The following ST6GALNAC5 variants were observed in gnomAD, a reference collection of about 807,000 sequenced individuals.
ST6GALNAC5 encodes alpha-N-acetylgalactosaminide alpha-2,6-sialyltransferase 5.
In ST6GALNAC5, 27 loss-of-function variants were observed where a neutral mutation model predicts 33.6. That is an observed-to-expected ratio of 0.80 (90% confidence interval 0.59 to 1.11). ST6GALNAC5 has a LOEUF of 1.11. Among genes scored for constraint, ST6GALNAC5 ranks in the 50% least tolerant of loss-of-function variants. ST6GALNAC5 has a pLI of 0.00. For synonymous variants in ST6GALNAC5, 194 were observed against 171.2 expected (o/e 1.13, Z -1.04); for missense variants, 428 against 454.0 (o/e 0.94, Z 0.52).
chr1:76,973,332 A>T (rs1325815762), intron 2 of ST6GALNAC5, among the ~76,000 whole-genome samples: 1 of 152,058 alleles, frequency 6.6e-6, no homozygotes, highest in East Asian at 1.9e-4. Context: ...GGCAGGTGAG[A>T]GACCCATGGA....
intron 2 of ST6GALNAC5, among the ~76,000 whole-genome samples, chr1:76,884,842 A>G (rs1653857857): frequency 6.6e-6 from 1 of 152,242 alleles, no homozygotes; most frequent in Admixed American, 6.5e-5. Flanking sequence ...AGAATCACTT[A>G]GTCAAAAATA....
chr1:76,972,201 A>C (rs879320288), intron 2 of ST6GALNAC5, among the ~76,000 whole-genome samples: 1 of 152,184 alleles, frequency 6.6e-6, no homozygotes, highest in Non-Finnish European at 1.5e-5. Flanking sequence ...AGCAGCAGGC[A>C]AGAAGAGAGC....
chr1:76,922,972 A>G, intron 2 of ST6GALNAC5, among the ~76,000 whole-genome samples: 1 of 151,894 alleles, frequency 6.6e-6, no homozygotes, highest in African/African-American at 2.4e-5. Context: ...GAAACTTTTA[A>G]GAAGAAAGTA....
chr1:76,971,950 C>T (rs1648775571), intron 2 of ST6GALNAC5, among the ~76,000 whole-genome samples: 1 of 152,176 alleles, frequency 6.6e-6, no homozygotes, highest in Admixed American at 6.5e-5. Context: ...GTTTCCATCC[C>T]TCTCAACATA....
chr1:76,913,294 A>C (rs1302556004), intron 2 of ST6GALNAC5, among the ~76,000 whole-genome samples: 1 of 151,586 alleles, frequency 6.6e-6, no homozygotes, highest in Non-Finnish European at 1.5e-5. Flanking sequence ...ATCTGCTGTT[A>C]GTCTGATGGG....
intron 2 of ST6GALNAC5, among the ~76,000 whole-genome samples, chr1:76,911,967 C>G (rs1032719405): frequency 6.6e-6 from 1 of 152,110 alleles, no homozygotes; most frequent in South Asian, 2.1e-4. Flanking sequence ...CTTCTGCTAG[C>G]TTTTGAATGT....
chr1:76,919,679 T>TG (rs1373373738), intron 2 of ST6GALNAC5, among the ~76,000 whole-genome samples: 1 of 152,160 alleles, frequency 6.6e-6, no homozygotes. Context: ...GCTGAGTAAA[T>TG]GGGGGCTGAA....
At chr1:76,908,313 G>A (rs1395736318) in intron 2 of ST6GALNAC5, among the ~76,000 whole-genome samples, 2 of 152,108 alleles carry the variant, frequency 1.3e-5, no homozygotes, top group African/African-American at 2.4e-5. Flanking sequence ...GTTCATGGAT[G>A]GGGGCTTCTC....
At chr1:76,894,984 G>A (rs955594490) in intron 2 of ST6GALNAC5, among the ~76,000 whole-genome samples, 5 of 152,096 alleles carry the variant, frequency 3.3e-5, no homozygotes, top group Admixed American at 6.6e-5. Flanking sequence ...TCAAAGGGGG[G>A]TTATTCTCTG....
intron 2 of ST6GALNAC5, among the ~76,000 whole-genome samples, chr1:76,901,007 T>C (rs780026715): frequency 2.6e-5 from 4 of 152,224 alleles, no homozygotes; most frequent in Non-Finnish European, 4.4e-5. Context: ...TAGTTCTAAG[T>C]AAATATTTTA....
At chr1:76,985,944 G>A (rs1269599692) in intron 2 of ST6GALNAC5, among the ~76,000 whole-genome samples, 2 of 152,150 alleles carry the variant, frequency 1.3e-5, no homozygotes, top group Non-Finnish European at 2.9e-5. Flanking sequence ...TGGGAAAACT[G>A]GCTAGCCATA....
At chr1:77,000,190 GTGTGAGATGGTATCTCAC>G (rs1650091698) in intron 2 of ST6GALNAC5, among the ~76,000 whole-genome samples, 1 of 98,448 alleles carries the variant, frequency 1.0e-5, no homozygotes, top group Non-Finnish European at 2.4e-5. Context: ...ATTCTAACTG[GTGTGAGATGGTATCTCAC>G]TGTGGTTTTG....
chr1:76,944,454 C>T (rs1017004965), intron 2 of ST6GALNAC5, among the ~76,000 whole-genome samples: 6 of 151,790 alleles, frequency 4.0e-5, no homozygotes, highest in African/African-American at 9.7e-5. Context: ...ATTGGATGGC[C>T]CCCTCTCTAT....
chr1:76,882,084 A>G (rs1168015392), intron 2 of ST6GALNAC5, among the ~76,000 whole-genome samples: 1 of 152,220 alleles, frequency 6.6e-6, no homozygotes, highest in Non-Finnish European at 1.5e-5. Flanking sequence ...TTGAAAAGGA[A>G]TAAATATTTA....
Position 76,868,960 on chromosome 1 carries a change from G to T in ST6GALNAC5, c.261+218G>T. 1 of 704,492 alleles carries T rather than the reference G, an allele frequency of 1.4e-6. No individual in the cohort carries two copies. The highest frequency in any genetic ancestry group is 2.1e-6 in the Non-Finnish European group (1 of 472,692). 43.6% of individuals were successfully genotyped at this position (704,492 alleles called of 1,614,324 possible). Reference sequence around the variant, plus strand: ...TTTGTAGAAAATAGGGGTGAGGTGCGTGGACCCCAAAGCCTAATTTCCCAG... The same window carrying T: ...TTTGTAGAAAATAGGGGTGAGGTGCTTGGACCCCAAAGCCTAATTTCCCAG... On this transcript the variant is annotated intron_variant, in intron 2 of 4. Transcript: ENST00000477717. The surrounding 1 kb of genome is among the most constrained non-coding windows in gnomAD (Gnocchi z 4.3).
intron 2 of ST6GALNAC5, among the ~76,000 whole-genome samples, chr1:77,010,158 A>G (rs554031494): frequency 2.0e-4 from 30 of 152,298 alleles, no homozygotes; most frequent in African/African-American, 7.0e-4. Context: ...TCAGTGATCA[A>G]TAAGTGTTAA....
In ST6GALNAC5 at chr1:76,868,854, C is replaced by T. The variant is rs1653429460; in HGVS notation, c.261+112C>T. On this transcript the variant is annotated intron_variant, in intron 2 of 4. Transcript: ENST00000477717. This position sits in a 1 kb window ranked among gnomAD's most constrained non-coding sequence, Gnocchi z 4.3. ...GCTGTGAGTAGGTGCCGTTCGAAGG[C>T]TGGAGGGGAGTGGACCCGCTGGGGT... is the stretch of plus-strand genomic sequence containing the variant. 1.4e-6 allele frequency: 2 copies of T among 1,414,184 alleles called. No homozygotes were observed. Among genetic ancestry groups the T allele is most frequent in the East Asian group, 5.3e-5 (2 of 37,568 alleles). 87.6% of individuals were successfully genotyped at this position (1,414,184 alleles called of 1,614,324 possible). A position where few individuals can be genotyped will look rare whatever the true frequency, so the allele number is the denominator to read the frequency against.
intron 4 of ST6GALNAC5, among the ~76,000 whole-genome samples, chr1:77,056,637 A>G (rs1652409265): frequency 6.6e-6 from 1 of 152,224 alleles, no homozygotes. Flanking sequence ...GCGACAGTCC[A>G]CCGGGTAGAA....
At chr1:76,981,775 G>C (rs938469394) in intron 2 of ST6GALNAC5, among the ~76,000 whole-genome samples, 1 of 152,134 alleles carries the variant, frequency 6.6e-6, no homozygotes, top group Non-Finnish European at 1.5e-5. Flanking sequence ...GCCCTTCTGG[G>C]ACAAAGCTTC....
Sources: gnomAD v4.1 joint callset for allele counts (sites outside exome capture counted in the v4.1 genomes callset) on GRCh38, gnomAD v4.1.1 for gene constraint, Gnocchi (gnomAD v3.1) non-coding constraint, MANE v1.5 for transcripts, NCBI Gene and HGNC (gene_info 2026-07-23, HGNC 2026-07-21) for gene names.